Variants in PRR14L observed in about 807,000 individuals in gnomAD.
PRR14L encodes the protein protein PRR14L.
In PRR14L, 80 loss-of-function variants were observed where a neutral mutation model predicts 155.0. The observed-to-expected ratio is 0.52, with a 90% CI of 0.43 to 0.62. The LOEUF (loss-of-function observed/expected upper bound fraction) is 0.62, where lower values mean the gene tolerates loss of function less well. Ranked by LOEUF, PRR14L falls within the 20% of genes least tolerant of loss-of-function variation. The pLI is 0.00. For synonymous variants in PRR14L, 883 were observed against 916.0 expected, an observed-to-expected ratio of 0.96 and a Z score of 0.65; for missense variants, 2,469 against 2,548.0, an observed-to-expected ratio of 0.97 and a Z score of 0.67.
intron 1 of PRR14L, among the ~76,000 whole-genome samples, chr22:31,739,833 A>G (rs1025351270): frequency 1.3e-5 from 2 of 152,208 alleles, no homozygotes; most frequent in East Asian, 3.8e-4. Flanking sequence ...ACTGCACTAT[A>G]CAAGTAGCCA....
intron 3 of PRR14L, among the ~76,000 whole-genome samples, chr22:31,718,628 G>A (rs1007246998): frequency 6.6e-6 from 1 of 152,010 alleles, no homozygotes; most frequent in African/African-American, 2.4e-5. Context: ...TCAAACTCTC[G>A]ACCTCAGGTG....
In PRR14L at chr22:31,714,532, C is replaced by T. The variant is rs778046560; in HGVS notation, c.3307G>A (p.Ala1103Thr). 17 of 1,552,016 alleles carry T rather than the reference C, an allele frequency of 1.1e-5. No individual in the cohort carries two copies. The East Asian group carries it at 3.7e-4, about 33-fold the overall frequency. Reference sequence around the variant, plus strand: ...TGACCAGTTGTTCCTGTATGTGCAGCATCCAGTTCTCTCCGAGACAAGGTA... The same window carrying T: ...TGACCAGTTGTTCCTGTATGTGCAGTATCCAGTTCTCTCCGAGACAAGGTA... ...RSTLSRRELD[A>T]AHTGTTGQDS... Residue 1103 changes from alanine to threonine, a missense_variant, in exon 4 of 9, where the codon GCT becomes ACT. Physicochemically the swap from Ala to Thr is moderately conservative, Grantham distance 58. Coordinates refer to ENST00000327423, the MANE Select transcript of PRR14L (RefSeq NM_173566.3).
In PRR14L at chr22:31,750,088, G is replaced by A. The variant is rs192457409; in HGVS notation, c.-147C>T. ...CAGGTCTACCTGAGCCTACGGAGCC[G>A]ACAGAGGCCGGGGGCGCTCCGGCCG... On this transcript the variant is annotated 5_prime_UTR_variant, in exon 1 of 9. Transcript: ENST00000327423. The A allele has an allele frequency of 4.6e-5, 7 of 152,540 alleles. No homozygotes were observed. Among genetic ancestry groups the A allele is most frequent in the South Asian group, 2.1e-4 (1 of 4,854 alleles). The allele number at this position is 152,540 out of a possible 1,614,324, so 9.4% of individuals were successfully genotyped here. A position where few individuals can be genotyped will look rare whatever the true frequency, so the allele number is the denominator to read the frequency against.
At chr22:31,747,361 G>A (rs1274473912) in intron 1 of PRR14L, among the ~76,000 whole-genome samples, 5 of 149,978 alleles carry the variant, frequency 3.3e-5, no homozygotes, top group South Asian at 2.1e-4. Context: ...TGATCCACCC[G>A]CCTCGGCCTC....
intron 2 of PRR14L, among the ~76,000 whole-genome samples, chr22:31,736,406 C>T (rs552391027): frequency 6.8e-6 from 1 of 147,762 alleles, no homozygotes; most frequent in East Asian, 2.0e-4. Flanking sequence ...AAAAAAAAGG[C>T]ATCACAGTGT....
rs2074711618 is a variant in PRR14L, at chr22:31,725,525, G to A, written c.547+13C>T. On this transcript the variant is annotated intron_variant, in intron 3 of 8. Transcript: ENST00000327423. ...TAAGTGGATAAAGGAAGAGATTTGA[G>A]AGAAATAAATACCTTTGCTCCTTAG... 13 of 1,520,024 alleles carry A rather than the reference G, an allele frequency of 8.6e-6. No individual in the cohort carries two copies. Among genetic ancestry groups the A allele is most frequent in the South Asian group, 1.2e-5 (1 of 83,338 alleles). The allele number at this position is 1,520,024 out of a possible 1,614,324, so 94.2% of individuals were successfully genotyped here.
intron 7 of PRR14L, among the ~76,000 whole-genome samples, chr22:31,698,502 G>GTT (rs1021079650): frequency 7.1e-6 from 1 of 141,292 alleles, no homozygotes; most frequent in Non-Finnish European, 1.5e-5. Context: ...AAAACAATGA[G>GTT]TTTTTTTTTT....
In PRR14L at chr22:31,682,217, C is replaced by A. The variant is rs551794384; in HGVS notation, c.*3310G>T. The A allele has an allele frequency of 4.6e-5, 7 of 152,214 alleles. No homozygotes were observed. The highest frequency in any genetic ancestry group is 4.6e-4 in the Admixed American group (7 of 15,280). The allele number at this position is 152,214 out of a possible 1,614,324, so 9.4% of individuals were successfully genotyped here. On this transcript the variant is annotated 3_prime_UTR_variant, in exon 9 of 9. Transcript: ENST00000327423. ...GGAAGGAGCCACGGGGGAGGTCTCA[C>A]GCCCAGATAGTGGGATCTGGAATGG...
Position 31,685,492 on chromosome 22 carries a change from A to G in PRR14L, c.*35T>C, listed in dbSNP as rs753153141. 6 of 1,480,950 alleles carry G rather than the reference A, an allele frequency of 4.1e-6. No individual in the cohort carries two copies. The highest frequency in any genetic ancestry group is 5.4e-6 in the Non-Finnish European group (6 of 1,113,318). 91.7% of individuals were successfully genotyped at this position (1,480,950 alleles called of 1,614,324 possible). Reference sequence around the variant, plus strand: ...CCCAAAAACAAAACAAAACAAAAAAACCCTAAAATTGAGACCCTCAAACTG... The same window carrying G: ...CCCAAAAACAAAACAAAACAAAAAAGCCCTAAAATTGAGACCCTCAAACTG... On this transcript the variant is annotated 3_prime_UTR_variant, in exon 9 of 9. Transcript: ENST00000327423.
Position 31,715,479 on chromosome 22 carries a change from C to G in PRR14L, c.2360G>C (p.Ser787Thr), listed in dbSNP as rs1385305007. The change falls in exon 4 of 9, where the codon AGC becomes ACC. Residue 787 changes from serine (S) to threonine (T), a missense_variant. Coordinates refer to ENST00000327423, the MANE Select transcript of PRR14L (RefSeq NM_173566.3). ...CHSVQSQDISSCHRVRKNVSQ... is the reference protein window; with the variant it reads ...CHSVQSQDISTCHRVRKNVSQ... ...TACATTTTTTCTTACACGATGACAGCTAGAGATATCCTGAGATTGAACGCT... is the reference window on the plus strand; with the variant it reads ...TACATTTTTTCTTACACGATGACAGGTAGAGATATCCTGAGATTGAACGCT... The G allele has an allele frequency of 6.4e-7, 1 of 1,552,204 alleles. No homozygotes were observed. Among genetic ancestry groups the G allele is most frequent in the Non-Finnish European group, 8.7e-7 (1 of 1,147,106 alleles).
At chr22:31,730,885 C>T (rs190189030) in intron 2 of PRR14L, among the ~76,000 whole-genome samples, 85 of 152,204 alleles carry the variant, frequency 5.6e-4, no homozygotes, top group Admixed American at 1.2e-3. Context: ...AGTCAGCAAA[C>T]GGGCTCATGG....
At chr22:31,734,789 T>C (rs1350952808) in intron 2 of PRR14L, among the ~76,000 whole-genome samples, 4 of 152,206 alleles carry the variant, frequency 2.6e-5, no homozygotes, top group South Asian at 4.1e-4. Flanking sequence ...TTTCTATACC[T>C]CTCACACACA....
chr22:31,749,840 C>G (rs749340381), intron 1 of PRR14L, among the ~76,000 whole-genome samples, 153 bp downstream of exon 1: 8 of 152,246 alleles, frequency 5.3e-5, no homozygotes, highest in Non-Finnish European at 8.8e-5. Context: ...TGGGTCGTTC[C>G]GCCGCCCACA....
chr22:31,718,392 A>G (rs2074672086), intron 3 of PRR14L, among the ~76,000 whole-genome samples: 1 of 152,046 alleles, frequency 6.6e-6, no homozygotes, highest in East Asian at 1.9e-4. Flanking sequence ...AGTAGCTGGG[A>G]CTACAGACGC....
chr22:31,684,228 C>T lies in PRR14L; in HGVS notation c.*1299G>A, dbSNP rs1427879181. The stretch of plus-strand genomic sequence containing the variant: ...CACAAACCCAGAAACTCGGCTAACT[C>T]CAGCATTTGACAGTTCCGGTAGATG... On this transcript the variant is annotated 3_prime_UTR_variant, in exon 9 of 9. Transcript: ENST00000327423. 6.6e-6 allele frequency: 1 copy of T among 152,398 alleles called. No individual in the cohort carries two copies. Among genetic ancestry groups the T allele is most frequent in the African/African-American group, 2.4e-5 (1 of 41,440 alleles). The allele number at this position is 152,398 out of a possible 1,614,324, so 9.4% of individuals were successfully genotyped here. A position where few individuals can be genotyped will look rare whatever the true frequency, so the allele number is the denominator to read the frequency against.
intron 2 of PRR14L, among the ~76,000 whole-genome samples, chr22:31,737,388 G>A (rs1434870254): frequency 6.6e-6 from 1 of 151,948 alleles, no homozygotes; most frequent in Non-Finnish European, 1.5e-5. Context: ...AGCTGAGGCA[G>A]GAGAATCGCT....
At chr22:31,711,820 T>G (rs1306593555) in intron 4 of PRR14L, among the ~76,000 whole-genome samples, 3 of 139,338 alleles carry the variant, frequency 2.2e-5, no homozygotes, top group South Asian at 2.4e-4. Flanking sequence ...ACAGATTTGA[T>G]GGTTTGAAGA....
intron 2 of PRR14L, among the ~76,000 whole-genome samples, chr22:31,728,570 G>A (rs1308406297): frequency 1.3e-5 from 2 of 148,414 alleles, no homozygotes; most frequent in African/African-American, 5.0e-5. Flanking sequence ...CGGAGATCGC[G>A]CCACTGCACT....
rs752416273 is a variant in PRR14L at position 31,714,336 on chromosome 22, A to C, written c.3503T>G (p.Ile1168Arg). 6 of 1,551,578 alleles carry C rather than the reference A, an allele frequency of 3.9e-6. No homozygotes were observed. In the South Asian group the frequency reaches 5.9e-5, roughly 15 times the overall value. The change falls in exon 4 of 9, where the codon ATA becomes AGA. Residue 1168 changes from isoleucine to arginine, a missense_variant. Around this residue, in one of 2 missense-constraint regions of PRR14L, gnomAD observed 2,363 missense variants for 2,371.6 expected, o/e 1.00. Coordinates refer to ENST00000327423, the MANE Select transcript of PRR14L (RefSeq NM_173566.3). ...TAAAGACAAATTTACTCTGCCCAAT[A>C]TTCTTTTATTTGGTTCATGATCTGC... is the stretch of plus-strand genomic sequence containing the variant. ...SVADHEPNKR[I>R]LGRVNLSLND... is the part of the protein sequence containing the mutation.
Sources: gnomAD v4.1 joint callset for allele counts (sites outside exome capture counted in the v4.1 genomes callset) on GRCh38, gnomAD v4.1.1 for gene constraint, gnomAD v4.1.1 regional missense constraint, MANE v1.5 for transcripts, NCBI Gene and HGNC (gene_info 2026-07-23, HGNC 2026-07-21) for gene names.